The following B9D1 variants were observed in gnomAD, a reference collection of about 807,000 sequenced individuals.
B9D1 encodes B9 domain-containing protein 1.
In B9D1, 20 loss-of-function variants were observed where a neutral mutation model predicts 26.1. That is an observed-to-expected ratio of 0.77 (90% CI 0.54 to 1.12). The LOEUF is 1.12. Among genes scored for constraint, B9D1 ranks in the 50% most tolerant of loss-of-function variants. The probability of loss-of-function intolerance (pLI) is 0.00; values close to 1 mark genes in which losing one functional copy is unlikely to be tolerated. For missense variants in B9D1, 260 were observed against 273.7 expected, an observed-to-expected ratio of 0.95 and a Z score of 0.35; for synonymous variants, 105 against 103.1, an observed-to-expected ratio of 1.02 and a Z score of -0.11.
At chr17:19,373,418 G>A (rs1413644188) in intron 1 of B9D1, among the ~76,000 whole-genome samples, 1 of 149,714 alleles carries the variant, frequency 6.7e-6, no homozygotes, top group Non-Finnish European at 1.5e-5. Context: ...TTGAGACAGA[G>A]TCTCACTGTG....
At chr17:19,339,120 GAGA>G (rs1333803466), downstream of B9D1, among the ~76,000 whole-genome samples, 4 of 152,224 alleles carry the variant, frequency 2.6e-5, no homozygotes, top group African/African-American at 4.8e-5. Context: ...TTGTTCAGAT[GAGA>G]AGTTTTATTA....
chr17:19,338,770 A>G (rs913123738), downstream of B9D1, among the ~76,000 whole-genome samples: 5 of 152,234 alleles, frequency 3.3e-5, no homozygotes, highest in East Asian at 3.8e-4. Context: ...GCCCCAGACA[A>G]CAGCCCACCA....
intron 3 of B9D1, among the ~76,000 whole-genome samples, chr17:19,348,666 A>G (rs1298443569): frequency 6.6e-6 from 1 of 152,230 alleles, no homozygotes; most frequent in Non-Finnish European, 1.5e-5. Context: ...ATTTTAGGAA[A>G]CTACCTCTTT....
At chr17:19,356,155 A>G (rs1295336325) in intron 3 of B9D1, among the ~76,000 whole-genome samples, 4 of 151,846 alleles carry the variant, frequency 2.6e-5, no homozygotes, top group Non-Finnish European at 5.9e-5. Context: ...GCAGTGGCAT[A>G]ATCTCTGCTC....
At chr17:19,360,984 G>A (rs775304687) in intron 1 of B9D1, among the ~76,000 whole-genome samples, 41 of 152,148 alleles carry the variant, frequency 2.7e-4, no homozygotes, top group Non-Finnish European at 2.4e-4. Flanking sequence ...CCCATTGCTC[G>A]CATGACCACG....
chr17:19,369,576 T>A (rs1239453061), intron 1 of B9D1, among the ~76,000 whole-genome samples: 16 of 151,666 alleles, frequency 1.1e-4, no homozygotes. Context: ...GTTAAGTGAG[T>A]TGGGTTTTTA....
downstream of B9D1, chr17:19,341,180 A>G: frequency 5.7e-6 from 7 of 1,231,506 alleles, no homozygotes; most frequent in Non-Finnish European, 7.1e-6. Context: ...GACAGGCTGG[A>G]CAAATGGGGC....
chr17:19,364,147 G>C (rs1274854638), upstream of B9D1, among the ~76,000 whole-genome samples: 1 of 152,286 alleles, frequency 6.6e-6, no homozygotes, highest in East Asian at 1.9e-4. This position sits in a 1 kb window ranked among gnomAD's most constrained non-coding sequence, Gnocchi z 4.3. Context: ...TGTAGTTATC[G>C]AATAACTGGG....
At position 19,370,704 on chromosome 17, in the gene B9D1, G is replaced by A. The variant is rs568976643; in HGVS notation, c.-298+7155C>T. ...AGGGGTGAGGCCCCGAGAGGTGTCT[G>A]GAGCCATCTGGCCGTGAGGTCAGCC... On this transcript the variant is annotated intron_variant, in intron 1 of 5. Coordinates refer to the B9D1 transcript ENST00000477478. The surrounding 1 kb of genome is among the most constrained non-coding windows in gnomAD (Gnocchi z 5.1). Among the ~76,000 whole-genome samples the A allele has an allele frequency of 6.6e-6, 1 of 152,310 alleles. No homozygotes were observed. The highest frequency in any genetic ancestry group is 2.4e-5 in the African/African-American group (1 of 41,578).
At chr17:19,366,515 G>A (rs773405055), upstream of B9D1, among the ~76,000 whole-genome samples, 26 of 152,088 alleles carry the variant, frequency 1.7e-4, no homozygotes, top group Non-Finnish European at 3.4e-4. Flanking sequence ...TCCTCACAGT[G>A]ACCCCCCAGA....
At chr17:19,348,957 C>T (rs1404932208) in intron 3 of B9D1, among the ~76,000 whole-genome samples, 1 of 152,148 alleles carries the variant, frequency 6.6e-6, no homozygotes, top group Admixed American at 6.5e-5. Flanking sequence ...CTGGGGGCCA[C>T]GCACCCAGTG....
intron 3 of B9D1, among the ~76,000 whole-genome samples, chr17:19,354,615 G>T (rs898969792): frequency 3.3e-5 from 5 of 152,122 alleles, no homozygotes; most frequent in Non-Finnish European, 5.9e-5. Flanking sequence ...GGATCATGAG[G>T]TCAGGAGTTC....
At chr17:19,360,638 C>T (rs144113868) in intron 1 of B9D1, among the ~76,000 whole-genome samples, 3 of 152,222 alleles carry the variant, frequency 2.0e-5, no homozygotes, top group Admixed American at 6.5e-5. Flanking sequence ...CTACTTCATC[C>T]GGAAAACTCC....
intron 5 of B9D1, among the ~76,000 whole-genome samples, chr17:19,345,006 G>T (rs1027019642): frequency 1.3e-5 from 2 of 152,256 alleles, no homozygotes; most frequent in African/African-American, 4.8e-5. Context: ...ACTGGGGCCT[G>T]GGAGCATCCC....
At position 19,347,374 on chromosome 17, in the gene B9D1, C is replaced by G. The variant is rs759620585; in HGVS notation, c.342-43G>C. The G allele has an allele frequency of 6.2e-7, 1 of 1,605,232 alleles. No homozygotes were observed. Among genetic ancestry groups the G allele is most frequent in the Non-Finnish European group, 8.5e-7 (1 of 1,172,190 alleles). ...GCAGACAGAGATGCTGAGTAAGAGA[C>G]CTTTCTGAGCCTCCAGGGAGAAGAA... On this transcript the variant is annotated intron_variant, in intron 4 of 6. Transcript: ENST00000261499. The surrounding 1 kb of genome is among the most constrained non-coding windows in gnomAD (Gnocchi z 4.3).
At chr17:19,363,564 A>T (rs1911396745), upstream of B9D1, 7 of 152,266 alleles carry the variant, frequency 4.6e-5, no homozygotes, top group Admixed American at 3.9e-4. Flanking sequence ...AACAACCCTC[A>T]CTGCCTCTGT....
intron 3 of B9D1, among the ~76,000 whole-genome samples, chr17:19,355,776 G>A (rs577764405): frequency 2.0e-4 from 31 of 152,278 alleles, no homozygotes; most frequent in Non-Finnish European, 4.0e-4. Flanking sequence ...AGAGCTTGCA[G>A]TGAGCTGAGA....
At chr17:19,340,210 G>A (rs1274014021), downstream of B9D1, among the ~76,000 whole-genome samples, 2 of 152,144 alleles carry the variant, frequency 1.3e-5, no homozygotes, top group East Asian at 2.0e-4. Flanking sequence ...TCCCTCTGTC[G>A]CCCCGGCTGG....
chr17:19,339,429 A>G (rs1016919834), downstream of B9D1, among the ~76,000 whole-genome samples: 1 of 152,280 alleles, frequency 6.6e-6, no homozygotes, highest in East Asian at 1.9e-4. Context: ...TTGTACTTGC[A>G]TAATATAGAT....
Sources: allele counts gnomAD v4.1 joint callset (sites outside exome capture counted in the v4.1 genomes callset), GRCh38; gene constraint gnomAD v4.1.1; non-coding constraint Gnocchi (gnomAD v3.1); transcripts MANE v1.5; gene names NCBI Gene and HGNC (gene_info 2026-07-23, HGNC 2026-07-21).